UCHL3: variants seen among roughly 807,000 people sequenced by gnomAD.
The protein encoded by UCHL3 is ubiquitin C-terminal hydrolase L3, also known as ubiquitin carboxyl-terminal hydrolase isozyme L3.
UCHL3 carries 22 observed loss-of-function variants against 35.8 expected under a neutral mutation model. The ratio of observed to expected loss-of-function variants is 0.61; its 90% CI spans 0.44 to 0.88. UCHL3 has a LOEUF of 0.88. Ranked by LOEUF, UCHL3 falls within the 40% of genes least tolerant of loss-of-function variation. The pLI is 0.00. For missense variants in UCHL3, 229 were observed against 276.9 expected (o/e 0.83, Z 1.23); for synonymous variants, 90 against 92.8 (o/e 0.97, Z 0.17).
intron 6 of UCHL3, among the ~76,000 whole-genome samples, chr13:75,571,395 T>C (rs1197498613): frequency 6.6e-6 from 1 of 152,228 alleles, no homozygotes; most frequent in African/African-American, 2.4e-5. Context: ...CTGTTAGACA[T>C]CATCTGAATG....
chr13:75,591,527 A>G lies in UCHL3; in HGVS notation c.475-3388A>G, dbSNP rs192446556. 1.9e-3 allele frequency among the ~76,000 whole-genome samples: 288 copies of G among 152,334 alleles called. 1 individual carries two copies. The highest frequency in any genetic ancestry group is 5.8e-3 in the South Asian group (28 of 4,832). Reference sequence around the variant, plus strand: ...TTTTCTACTTAAAAATGTTCCAAATATAAATGAACATATAAAATTTGGCAT... The same window carrying G: ...TTTTCTACTTAAAAATGTTCCAAATGTAAATGAACATATAAAATTTGGCAT... On this transcript the variant is annotated intron_variant, in intron 6 of 8. Transcript: ENST00000377595.
chr13:75,587,384 A>G (rs2032355617), intron 6 of UCHL3, among the ~76,000 whole-genome samples: 1 of 152,082 alleles, frequency 6.6e-6, no homozygotes, highest in Admixed American at 6.6e-5. Flanking sequence ...TATAAATTAC[A>G]CAACTAGATA....
intron 6 of UCHL3, among the ~76,000 whole-genome samples, chr13:75,574,440 C>T (rs2031960733): frequency 6.6e-6 from 1 of 151,968 alleles, no homozygotes; most frequent in Non-Finnish European, 1.5e-5. Context: ...CTTTGAATCC[C>T]CAAGACAAAC....
At chr13:75,552,788 G>A (rs2031157150) in intron 2 of UCHL3, among the ~76,000 whole-genome samples, 1 of 152,214 alleles carries the variant, frequency 6.6e-6, no homozygotes, top group Non-Finnish European at 1.5e-5. Context: ...AACATTTATA[G>A]AGTGTGATAT....
chr13:75,577,658 TCTC>T (rs2032065050), intron 6 of UCHL3, among the ~76,000 whole-genome samples: 1 of 152,204 alleles, frequency 6.6e-6, no homozygotes, highest in Non-Finnish European at 1.5e-5. Flanking sequence ...GATTAGAAGA[TCTC>T]CTTATTTTAA....
chr13:75,571,476 CTTTA>C (rs2031854696), intron 6 of UCHL3, among the ~76,000 whole-genome samples: 1 of 152,150 alleles, frequency 6.6e-6, no homozygotes, highest in Non-Finnish European at 1.5e-5. Context: ...TTTTTCTTCC[CTTTA>C]TTGTTTCTGT....
At position 75,566,763 on chromosome 13, in the gene UCHL3, A is replaced by G. The variant is rs2031697195; in HGVS notation, c.252A>G (p.Val84=). The G allele has an allele frequency of 1.2e-6, 2 of 1,612,026 alleles. No homozygotes were observed. Among genetic ancestry groups the G allele is most frequent in the South Asian group, 1.1e-5 (1 of 90,766 alleles). The stretch of plus-strand genomic sequence containing the variant: ...AGGGACAAGATGTTACATCATCAGT[A>G]TATTTCATGAAGCAAACAATCAGCA... ...KSQGQDVTSS[V]YFMKQTISNA... Residue 84 remains valine (V), a synonymous_variant, in exon 4 of 9, where the codon GTA becomes GTG. Coordinates refer to ENST00000377595, the MANE Select transcript of UCHL3 (RefSeq NM_006002.5).
Position 75,559,335 on chromosome 13 carries a change from C to T in UCHL3, c.55-1418C>T, listed in dbSNP as rs1009307552. ...GATTACAGGCGTGAGCCACCGCGCC[C>T]GGCCCTCAGCCCCGGACTCTTATAG... On this transcript the variant is annotated intron_variant, in intron 2 of 8. Coordinates refer to ENST00000377595, the MANE Select transcript of UCHL3 (RefSeq NM_006002.5). 4.3e-5 allele frequency among the ~76,000 whole-genome samples: 6 copies of T among 140,154 alleles called. No individual in the cohort carries two copies. The South Asian group carries it at 7.0e-4, about 16-fold the overall frequency. 91.9% of individuals were successfully genotyped at this position (140,154 alleles called of 152,430 possible). A position where few individuals can be genotyped will look rare whatever the true frequency, so the allele number is the denominator to read the frequency against.
Position 75,573,145 on chromosome 13 carries a change from TC to T in UCHL3, c.474+3641del, listed in dbSNP as rs527825972. Reference sequence around the variant, plus strand: ...TGGGCGTGGTGGCATGTGCCTGTAATCCCAGCTATTTGGGAGGCTGAGGCGG... The same window carrying T: ...TGGGCGTGGTGGCATGTGCCTGTAATCCAGCTATTTGGGAGGCTGAGGCGG... On this transcript the variant is annotated intron_variant, in intron 6 of 8. Coordinates refer to ENST00000377595, the MANE Select transcript of UCHL3 (RefSeq NM_006002.5). Among the ~76,000 whole-genome samples the T allele has an allele frequency of 3.5e-4, 53 of 151,822 alleles. 1 individual carries two copies. The highest frequency in any genetic ancestry group is 3.1e-3 in the Admixed American group (47 of 15,240).
At chr13:75,562,207 A>G (rs1476963322) in intron 3 of UCHL3, among the ~76,000 whole-genome samples, 1 of 152,122 alleles carries the variant, frequency 6.6e-6, no homozygotes, top group Non-Finnish European at 1.5e-5. Context: ...GCCTCAATTC[A>G]AGATAAATTA....
chr13:75,582,665 G>A (rs1566222318), intron 6 of UCHL3, among the ~76,000 whole-genome samples: 1 of 152,162 alleles, frequency 6.6e-6, no homozygotes, highest in African/African-American at 2.4e-5. Flanking sequence ...TTTCCAATTA[G>A]TATGGAAGAC....
chr13:75,586,221 A>C (rs2032318487), intron 6 of UCHL3, among the ~76,000 whole-genome samples: 1 of 152,100 alleles, frequency 6.6e-6, no homozygotes, highest in Non-Finnish European at 1.5e-5. Flanking sequence ...AGTTATATTG[A>C]CATGAAGTTA....
At position 75,592,447 on chromosome 13, in the gene UCHL3, T is replaced by C. The variant is rs866055497; in HGVS notation, c.475-2468T>C. Reference sequence around the variant, plus strand: ...ATATATATATATATATATATATATATATATATATATATATATATATGAAGG... The same window carrying C: ...ATATATATATATATATATATATATACATATATATATATATATATATGAAGG... On this transcript the variant is annotated intron_variant, in intron 6 of 8. Coordinates refer to ENST00000377595, the MANE Select transcript of UCHL3 (RefSeq NM_006002.5). 1.5e-3 allele frequency among the ~76,000 whole-genome samples: 164 copies of C among 107,736 alleles called. 1 individual carries two copies. The highest frequency in any genetic ancestry group is 2.0e-3 in the Non-Finnish European group (98 of 49,544). The allele number at this position is 107,736 out of a possible 152,430, so 70.7% of individuals were successfully genotyped here.
chr13:75,575,485 T>C (rs565576461), intron 6 of UCHL3, among the ~76,000 whole-genome samples: 1 of 152,218 alleles, frequency 6.6e-6, no homozygotes, highest in Non-Finnish European at 1.5e-5. Flanking sequence ...TTATTCTAGA[T>C]AGAATAAAAT....
intron 3 of UCHL3, among the ~76,000 whole-genome samples, chr13:75,561,440 A>C (rs1365518228): frequency 6.6e-6 from 1 of 152,016 alleles, no homozygotes; most frequent in Admixed American, 6.6e-5. Flanking sequence ...TTCTTTAATA[A>C]AAATTTGGTT....
intron 6 of UCHL3, among the ~76,000 whole-genome samples, chr13:75,575,798 C>T (rs1593740137): frequency 6.6e-6 from 1 of 152,232 alleles, no homozygotes; most frequent in African/African-American, 2.4e-5. Flanking sequence ...GTCACCCAGG[C>T]TGGAGTGCAG....
chr13:75,568,936 A>G (rs1343336285), intron 5 of UCHL3, among the ~76,000 whole-genome samples: 3 of 152,160 alleles, frequency 2.0e-5, no homozygotes, highest in Non-Finnish European at 4.4e-5. Context: ...AGTGGGTACT[A>G]TAAGAGTGGT....
chr13:75,591,116 A>G (rs986872727), intron 6 of UCHL3, among the ~76,000 whole-genome samples: 1 of 152,198 alleles, frequency 6.6e-6, no homozygotes, highest in Admixed American at 6.5e-5. Flanking sequence ...TTACACGTAC[A>G]TTTAATGCTT....
intron 2 of UCHL3, among the ~76,000 whole-genome samples, chr13:75,555,040 C>G (rs759904664): frequency 3.3e-5 from 5 of 152,150 alleles, no homozygotes; most frequent in Non-Finnish European, 4.4e-5. Context: ...TAATGGCATC[C>G]AGCTCCATTT....
Sources: allele counts gnomAD v4.1 joint callset (sites outside exome capture counted in the v4.1 genomes callset), GRCh38; gene constraint gnomAD v4.1.1; transcripts MANE v1.5; gene names NCBI Gene and HGNC (gene_info 2026-07-23, HGNC 2026-07-21).